ELP3: variants seen among roughly 807,000 people sequenced by gnomAD.
The protein encoded by ELP3 is elongator complex protein 3.
A neutral mutation model predicts 74.9 loss-of-function variants in ELP3; 56 were observed. The ratio of observed to expected loss-of-function variants is 0.75; its 90% CI spans 0.60 to 0.93. The LOEUF (loss-of-function observed/expected upper bound fraction) is 0.93, where lower values mean the gene tolerates loss of function less well. Ranked by LOEUF, ELP3 falls within the 40% of genes least tolerant of loss-of-function variation. The pLI, the probability that ELP3 is intolerant of heterozygous loss-of-function variation, is 0.00. For missense variants in ELP3, 573 were observed against 686.5 expected (o/e 0.83, Z 1.85); for synonymous variants, 222 against 239.8 (o/e 0.93, Z 0.68).
At chr8:28,096,896 C>T (rs1186930844) in intron 1 of ELP3, among the ~76,000 whole-genome samples, 2 of 152,194 alleles carry the variant, frequency 1.3e-5, no homozygotes, top group African/African-American at 4.8e-5. Context: ...AAGAGAATTA[C>T]TTTGGTCCTT....
chr8:28,166,853 CG>C (rs1330536320), intron 14 of ELP3, among the ~76,000 whole-genome samples: 1 of 152,214 alleles, frequency 6.6e-6, no homozygotes, highest in Non-Finnish European at 1.5e-5. Context: ...CAGATCCAAT[CG>C]TGTGACTGTT....
chr8:28,161,826 G>A (rs911578265), intron 13 of ELP3, among the ~76,000 whole-genome samples, 171 bp from the exon 14 acceptor site: 3 of 152,202 alleles, frequency 2.0e-5, no homozygotes, highest in African/African-American at 4.8e-5. Context: ...CTGCTACAGT[G>A]TACCTTTGGT....
chr8:28,105,031 T>G (rs1811631541), intron 3 of ELP3, among the ~76,000 whole-genome samples: 1 of 152,224 alleles, frequency 6.6e-6, no homozygotes, highest in Admixed American at 6.5e-5. Context: ...TTTCTATGTC[T>G]TTTTAAAATG....
At chr8:28,158,846 T>G (rs759776916) in intron 12 of ELP3, among the ~76,000 whole-genome samples, 6 of 152,246 alleles carry the variant, frequency 3.9e-5, no homozygotes, top group Non-Finnish European at 7.3e-5. Context: ...AACCTCATTC[T>G]AGATTAGCAC....
intron 3 of ELP3, among the ~76,000 whole-genome samples, chr8:28,103,169 CA>C (rs55976562): frequency 6.6e-6 from 1 of 151,700 alleles, no homozygotes; most frequent in East Asian, 1.9e-4. Flanking sequence ...GATTCTGTCT[CA>C]AAAAAACAAA....
rs1472290119 is a variant in ELP3, at chr8:28,191,132, TAA to T, written c.*1411_*1412del. 1.3e-5 allele frequency: 2 copies of T among 152,198 alleles called. No homozygotes were observed. The highest frequency in any genetic ancestry group is 2.1e-4 in the South Asian group (1 of 4,826). The allele number at this position is 152,198 out of a possible 1,614,324, so 9.4% of individuals were successfully genotyped here. On this transcript the variant is annotated 3_prime_UTR_variant, in exon 15 of 15. Coordinates refer to ENST00000256398, the MANE Select transcript of ELP3 (RefSeq NM_018091.6). ...TGATTCCTCTGAAAGGGCCTGAAAA[TAA>T]AAAGTCTTTAACATACAAAGAAGAG... is the stretch of plus-strand genomic sequence containing the variant.
intron 14 of ELP3, among the ~76,000 whole-genome samples, chr8:28,182,510 G>A (rs1045419044): frequency 3.3e-5 from 5 of 152,178 alleles, no homozygotes; most frequent in Admixed American, 6.5e-5. Context: ...GCAGTGAGCC[G>A]AGATCACGCC....
At chr8:28,173,986 T>A (rs964549157) in intron 14 of ELP3, among the ~76,000 whole-genome samples, 1 of 152,062 alleles carries the variant, frequency 6.6e-6, no homozygotes, top group African/African-American at 2.4e-5. Flanking sequence ...CTTTTTAAAT[T>A]TATTAAGACA....
At chr8:28,140,836 G>A (rs142685968) in intron 10 of ELP3, among the ~76,000 whole-genome samples, 1 of 152,284 alleles carries the variant, frequency 6.6e-6, no homozygotes, top group African/African-American at 2.4e-5. Flanking sequence ...TGTAAGCTTT[G>A]TTCAGGCATG....
At chr8:28,188,084 A>G (rs554689506) in intron 14 of ELP3, among the ~76,000 whole-genome samples, 34 of 152,310 alleles carry the variant, frequency 2.2e-4, no homozygotes, top group Admixed American at 3.9e-4. Context: ...AGGGACGTGC[A>G]GAGAGGGAGG....
At chr8:28,090,706 G>C (rs1193010438), upstream of ELP3, among the ~76,000 whole-genome samples, 1 of 151,926 alleles carries the variant, frequency 6.6e-6, no homozygotes, top group African/African-American at 2.4e-5. Context: ...TGTGGGGTCA[G>C]GGGGCAACAC....
intron 10 of ELP3, among the ~76,000 whole-genome samples, chr8:28,146,139 A>C (rs1813422699): frequency 6.6e-6 from 1 of 152,100 alleles, no homozygotes; most frequent in Admixed American, 6.6e-5. Flanking sequence ...TTGAGTTAGG[A>C]ACATCTTCCA....
chr8:28,160,231 T>A lies in ELP3; in HGVS notation c.1260T>A (p.Val420=). The change falls in exon 13 of 15, where the codon GTT becomes GTA. Residue 420 remains valine (V), a splice_region_variant and synonymous_variant. Transcript: ENST00000256398. ...TTTTGTGGCTTTTTACTAAATAGGT[T>A]GAATTGGTAAGGAGAGATTATGTTG... ...EIHHKVRPYQ[V]ELVRRDYVAN... is the part of the protein sequence containing the mutation. 1 of 1,611,146 alleles carries A rather than the reference T, an allele frequency of 6.2e-7. No homozygotes were observed. Among genetic ancestry groups the A allele is most frequent in the South Asian group, 1.1e-5 (1 of 90,516 alleles).
At chr8:28,105,584 C>T (rs996349797) in intron 3 of ELP3, among the ~76,000 whole-genome samples, 10 of 152,090 alleles carry the variant, frequency 6.6e-5, no homozygotes, top group African/African-American at 2.4e-4. Context: ...GTGGACCAAG[C>T]GAGGACATAT....
chr8:28,137,482 T>A (rs1813032985), intron 9 of ELP3, among the ~76,000 whole-genome samples: 1 of 152,108 alleles, frequency 6.6e-6, no homozygotes, highest in African/African-American at 2.4e-5. Flanking sequence ...GCTGGAATGG[T>A]GAGGGCCTAG....
At chr8:28,155,342 GC>G (rs780406763) in intron 10 of ELP3, among the ~76,000 whole-genome samples, 4 of 152,178 alleles carry the variant, frequency 2.6e-5, no homozygotes, top group Non-Finnish European at 4.4e-5. Flanking sequence ...TTTCCTTGAT[GC>G]CTGGCACTTT....
chr8:28,134,722 C>G (rs10103080), intron 9 of ELP3, among the ~76,000 whole-genome samples: 16,917 of 152,226 alleles, frequency 0.11, 1,778 homozygotes, highest in East Asian at 0.33. Flanking sequence ...TTTTCTACAG[C>G]ACCTTGGTCT....
At chr8:28,100,731 G>A (rs1303787628) in intron 3 of ELP3, among the ~76,000 whole-genome samples, 2 of 152,192 alleles carry the variant, frequency 1.3e-5, no homozygotes, top group Non-Finnish European at 2.9e-5. Context: ...AACATGCAGG[G>A]TAGTTTGGAG....
chr8:28,145,781 G>A (rs1031202214), intron 10 of ELP3, among the ~76,000 whole-genome samples: 2 of 152,076 alleles, frequency 1.3e-5, no homozygotes, highest in Non-Finnish European at 1.5e-5. Flanking sequence ...CCATCACCGC[G>A]CCCAGCTAAT....
Sources: allele counts gnomAD v4.1 joint callset (sites outside exome capture counted in the v4.1 genomes callset), GRCh38; gene constraint gnomAD v4.1.1; transcripts MANE v1.5; gene names NCBI Gene and HGNC (gene_info 2026-07-23, HGNC 2026-07-21).